The following LRRC63 variants were observed in gnomAD, a reference collection of about 807,000 sequenced individuals.
LRRC63 encodes the protein leucine-rich repeat-containing protein 63.
A neutral mutation model predicts 49.5 loss-of-function variants in LRRC63; 40 were observed. That is an observed-to-expected ratio of 0.81 (90% CI 0.63 to 1.05). The LOEUF (loss-of-function observed/expected upper bound fraction) is 1.05. Among genes scored for constraint, LRRC63 ranks in the 50% least tolerant of loss-of-function variants. The pLI, the probability that LRRC63 is intolerant of heterozygous loss-of-function variation, is 0.00. For synonymous variants in LRRC63, 191 were observed against 221.1 expected (o/e 0.86, Z 1.21); for missense variants, 636 against 663.1 (o/e 0.96, Z 0.45).
chr13:46,263,823 T>G (rs2047646907), intron 8 of LRRC63, among the ~76,000 whole-genome samples: 1 of 152,218 alleles, frequency 6.6e-6, no homozygotes, highest in African/African-American at 2.4e-5. Flanking sequence ...CCTTTTATAT[T>G]TATCTGTATG....
intron 7 of LRRC63, among the ~76,000 whole-genome samples, chr13:46,251,123 C>T (rs1005186923): frequency 6.6e-6 from 1 of 151,820 alleles, no homozygotes; most frequent in Non-Finnish European, 1.5e-5. Flanking sequence ...CAAATTGAAT[C>T]TCTCAGTACA....
intron 5 of LRRC63, among the ~76,000 whole-genome samples, chr13:46,238,301 TTACAGAACTC>T (rs2046959958): frequency 6.6e-6 from 1 of 152,088 alleles, no homozygotes; most frequent in African/African-American, 2.4e-5. Context: ...ATCTGGACCT[TTACAGAACTC>T]TACCCCTAAA....
intron 7 of LRRC63, among the ~76,000 whole-genome samples, chr13:46,251,862 G>A (rs549215503): frequency 1.2e-3 from 178 of 151,774 alleles, no homozygotes; most frequent in Non-Finnish European, 2.3e-3. Flanking sequence ...AATTCCTAAA[G>A]CAAGTGAAAT....
chr13:46,229,948 C>T (rs1009868929), intron 4 of LRRC63, among the ~76,000 whole-genome samples: 4 of 151,888 alleles, frequency 2.6e-5, no homozygotes, highest in Admixed American at 6.6e-5. Flanking sequence ...ATGATGAGAG[C>T]GGGAGCAAGA....
At chr13:46,245,723 A>G (rs1219916327) in intron 5 of LRRC63, among the ~76,000 whole-genome samples, 3 of 152,244 alleles carry the variant, frequency 2.0e-5, no homozygotes, top group Admixed American at 1.3e-4. Context: ...ATATTTAACA[A>G]GAAGTTTCAG....
At chr13:46,215,721 G>C (rs556741731) in intron 2 of LRRC63, among the ~76,000 whole-genome samples, 87 of 152,146 alleles carry the variant, frequency 5.7e-4, no homozygotes, top group Non-Finnish European at 5.6e-4. Flanking sequence ...TATTGCCTAG[G>C]TTTTCTTCTA....
chr13:46,247,865 T>C (rs1290046187), intron 6 of LRRC63, among the ~76,000 whole-genome samples: 1 of 152,122 alleles, frequency 6.6e-6, no homozygotes, highest in African/African-American at 2.4e-5. Context: ...AAACTCTATA[T>C]ACATATACTT....
chr13:46,231,661 C>G (rs2046760154), intron 4 of LRRC63, among the ~76,000 whole-genome samples: 2 of 151,954 alleles, frequency 1.3e-5, no homozygotes, highest in South Asian at 4.2e-4. Flanking sequence ...AGGCATGCAC[C>G]ACCATGCCCA....
At chr13:46,227,550 A>C in exon 3 of LRRC63, 1 of 1,542,880 alleles carries the variant, frequency 6.5e-7, no homozygotes, top group Non-Finnish European at 8.7e-7. Context: ...TGTAGCATTC[A>C]CTGAAGATGA....
intron 2 of LRRC63, among the ~76,000 whole-genome samples, chr13:46,221,732 C>A (rs1334165568): frequency 6.6e-6 from 1 of 152,098 alleles, no homozygotes; most frequent in Non-Finnish European, 1.5e-5. Context: ...TCTGAGTCAG[C>A]AGAGGTTAAC....
At chr13:46,269,378 C>T (rs955841884) in intron 9 of LRRC63, among the ~76,000 whole-genome samples, 1 of 152,052 alleles carries the variant, frequency 6.6e-6, no homozygotes, top group Non-Finnish European at 1.5e-5. Flanking sequence ...CGTGGGAAAA[C>T]TTGACATTTT....
At chr13:46,213,532 T>G (rs1161223450) in intron 2 of LRRC63, among the ~76,000 whole-genome samples, 1 of 152,226 alleles carries the variant, frequency 6.6e-6, no homozygotes, top group African/African-American at 2.4e-5. Context: ...CTTGAATGTT[T>G]GTGCTTTTAG....
intron 5 of LRRC63, among the ~76,000 whole-genome samples, chr13:46,241,178 A>G (rs1364386577): frequency 6.6e-6 from 1 of 152,202 alleles, no homozygotes; most frequent in African/African-American, 2.4e-5. Flanking sequence ...GCATACCTAC[A>G]ACTATCTGAT....
chr13:46,222,423 C>T (rs1412071638), intron 2 of LRRC63, among the ~76,000 whole-genome samples: 2 of 152,088 alleles, frequency 1.3e-5, no homozygotes, highest in South Asian at 2.1e-4. Flanking sequence ...TAATCCATTT[C>T]GAGTTGATTG....
intron 7 of LRRC63, among the ~76,000 whole-genome samples, chr13:46,254,429 A>G (rs1218656122): frequency 6.6e-6 from 1 of 152,170 alleles, no homozygotes; most frequent in Non-Finnish European, 1.5e-5. Flanking sequence ...AGAAGTCATC[A>G]GCTCAGGTGG....
intron 7 of LRRC63, among the ~76,000 whole-genome samples, chr13:46,257,011 T>A (rs2047522742): frequency 6.6e-6 from 1 of 152,152 alleles, no homozygotes; most frequent in African/African-American, 2.4e-5. Flanking sequence ...GTAGGGAGAT[T>A]ATTCTGGATT....
chr13:46,220,960 C>A (rs1188388548), intron 2 of LRRC63, among the ~76,000 whole-genome samples: 2 of 152,188 alleles, frequency 1.3e-5, no homozygotes, highest in African/African-American at 4.8e-5. Flanking sequence ...CATCGCTTCT[C>A]TACCCAATCA....
In LRRC63 at chr13:46,252,097, A is replaced by C. The variant is rs80086816; in HGVS notation, c.1226+1606A>C. Among the ~76,000 whole-genome samples the C allele has an allele frequency of 3.9e-5, 6 of 152,056 alleles. No homozygotes were observed. The East Asian group carries it at 9.6e-4, about 24-fold the overall frequency. On this transcript the variant is annotated intron_variant, in intron 7 of 9. Transcript: ENST00000595396. ...CAAGAATGAAAAACATAATGGGGAA[A>C]ACTTAACTTTATTGACCTCAAAGAA... is the stretch of plus-strand genomic sequence containing the variant.
chr13:46,230,029 G>A (rs1363271986), intron 4 of LRRC63, among the ~76,000 whole-genome samples: 1 of 152,060 alleles, frequency 6.6e-6, no homozygotes, highest in Non-Finnish European at 1.5e-5. Flanking sequence ...TCACTATCAT[G>A]AGGGCAGCAC....
Sources: gnomAD v4.1 joint callset for allele counts (sites outside exome capture counted in the v4.1 genomes callset) on GRCh38, gnomAD v4.1.1 for gene constraint, MANE v1.5 for transcripts, NCBI Gene and HGNC (gene_info 2026-07-23, HGNC 2026-07-21) for gene names.